The following MGST1 variants were observed in gnomAD, a reference collection of about 807,000 sequenced individuals.
MGST1 encodes glutathione S-transferase 12.
In MGST1, 5 loss-of-function variants were observed where a neutral mutation model predicts 8.9. The ratio of observed to expected loss-of-function variants is 0.56; its 90% CI spans 0.29 to 1.19. MGST1 has a LOEUF of 1.19. MGST1 is among the 50% of genes most tolerant of loss of function. MGST1 has a pLI of 0.08. For synonymous variants in MGST1, 54 were observed against 67.8 expected, an observed-to-expected ratio of 0.80 and a Z score of 1.00; for missense variants, 182 against 187.4, an observed-to-expected ratio of 0.97 and a Z score of 0.17.
Position 16,410,335 on chromosome 12 carries a change from C to A in MGST1, n.778+26731C>A, listed in dbSNP as rs1940731857. On this transcript the variant is annotated intron_variant and non_coding_transcript_variant, in intron 1 of 1. Coordinates refer to the MGST1 transcript ENST00000359720. This position sits in a 1 kb window ranked among gnomAD's most constrained non-coding sequence, Gnocchi z 4.4. ...CATTCCTGCTTATATACCTCCTAAG[C>A]ATCTCTGAAATACACTTAACTCTTC... 6.6e-6 allele frequency among the ~76,000 whole-genome samples: 1 copy of A among 152,060 alleles called. No individual in the cohort carries two copies. Among genetic ancestry groups the A allele is most frequent in the Admixed American group, 6.6e-5 (1 of 15,250 alleles).
intron 4 of MGST1, among the ~76,000 whole-genome samples, chr12:16,468,863 A>G (rs915475338): frequency 6.6e-6 from 1 of 152,178 alleles, no homozygotes; most frequent in African/African-American, 2.4e-5. Flanking sequence ...ACTAGCAGCT[A>G]GATAATCTGG....
chr12:16,513,332 A>C lies in MGST1; in HGVS notation n.483-76196A>C. The C allele has an allele frequency of 4.0e-6, 1 of 248,496 alleles. No individual in the cohort carries two copies. Among genetic ancestry groups the C allele is most frequent in the Non-Finnish European group, 8.1e-6 (1 of 124,136 alleles). The allele number at this position is 248,496 out of a possible 1,614,324, so 15.4% of individuals were successfully genotyped here. On this transcript the variant is annotated intron_variant and non_coding_transcript_variant, in intron 4 of 4. Transcript: ENST00000538857. The surrounding 1 kb of genome is among the most constrained non-coding windows in gnomAD (Gnocchi z 4.2). ...CCATTGAAAATTCCTTAAAAAGGAG[A>C]ATTTTATGCTTGCCCTCTGCTCCGT... is the stretch of plus-strand genomic sequence containing the variant.
intron 4 of MGST1, among the ~76,000 whole-genome samples, chr12:16,506,910 C>A (rs549100052): frequency 6.6e-6 from 1 of 152,214 alleles, no homozygotes; most frequent in South Asian, 2.1e-4. Flanking sequence ...AGGGTACAAA[C>A]AAGATAGTGA....
In MGST1 at chr12:16,555,943, G is replaced by T. The variant is rs935065070; in HGVS notation, n.483-33585G>T. On this transcript the variant is annotated intron_variant and non_coding_transcript_variant, in intron 4 of 4. Transcript: ENST00000538857. This position sits in a 1 kb window ranked among gnomAD's most constrained non-coding sequence, Gnocchi z 5.5. The stretch of plus-strand genomic sequence containing the variant: ...GATGCTTCCCTAACACTTCAAGAAG[G>T]ATGGCTCTCTCTTCCCTCAGTATAG... Among the ~76,000 whole-genome samples, 1 of 151,908 alleles carries T rather than the reference G, an allele frequency of 6.6e-6. No individual in the cohort carries two copies. Among genetic ancestry groups the T allele is most frequent in the African/African-American group, 2.4e-5 (1 of 41,334 alleles).
Position 16,401,005 on chromosome 12 carries a change from C to G in MGST1, n.778+17401C>G. On this transcript the variant is annotated intron_variant and non_coding_transcript_variant, in intron 1 of 1. Coordinates refer to the MGST1 transcript ENST00000359720. The surrounding 1 kb of genome is among the most constrained non-coding windows in gnomAD (Gnocchi z 4.3). ...CTAGTTCTTTTTGATGTGCTCTTCA[C>G]TTCTCTTCTGCAGTCATTTCATTCC... The G allele has an allele frequency of 6.5e-7, 1 of 1,540,708 alleles. No individual in the cohort carries two copies. Among genetic ancestry groups the G allele is most frequent in the South Asian group, 1.1e-5 (1 of 89,584 alleles).
At chr12:16,394,536 T>TA (rs1940586357) in intron 1 of MGST1, among the ~76,000 whole-genome samples, 1 of 73,752 alleles carries the variant, frequency 1.4e-5, no homozygotes, top group African/African-American at 5.1e-5. Flanking sequence ...CTTTCTTTCT[T>TA]TCTTTCTTTC....
chr12:16,359,796 C>T (rs1348807545), intron 3 of MGST1, among the ~76,000 whole-genome samples: 1 of 152,082 alleles, frequency 6.6e-6, no homozygotes, highest in East Asian at 1.9e-4. Context: ...GCAATTAGAC[C>T]CTCAGTAGTA....
At chr12:16,455,437 T>C (rs770568803) in intron 4 of MGST1, among the ~76,000 whole-genome samples, 3 of 151,794 alleles carry the variant, frequency 2.0e-5, no homozygotes, top group Non-Finnish European at 4.4e-5. Flanking sequence ...AGAAGGAATT[T>C]AGTTCACTTT....
chr12:16,352,321 T>C (rs192232309), intron 1 of MGST1, among the ~76,000 whole-genome samples: 25 of 152,280 alleles, frequency 1.6e-4, no homozygotes, highest in African/African-American at 5.5e-4. Context: ...TATAAATGTA[T>C]AGATTACTGG....
Position 16,546,669 on chromosome 12 carries a change from G to A in MGST1, n.483-42859G>A, listed in dbSNP as rs954782294. The stretch of plus-strand genomic sequence containing the variant: ...TAACACCTGCTATGTGTTACCAACA[G>A]ATGTTTCTTACTTACCTAAGGGAAC... On this transcript the variant is annotated intron_variant and non_coding_transcript_variant, in intron 4 of 4. Coordinates refer to the MGST1 transcript ENST00000538857. This position sits in a 1 kb window ranked among gnomAD's most constrained non-coding sequence, Gnocchi z 4.7. 1.3e-5 allele frequency among the ~76,000 whole-genome samples: 2 copies of A among 152,122 alleles called. No individual in the cohort carries two copies. The highest frequency in any genetic ancestry group is 2.4e-5 in the African/African-American group (1 of 41,440).
At chr12:16,353,618 T>C (rs1176288670) in intron 1 of MGST1, among the ~76,000 whole-genome samples, 1 of 152,158 alleles carries the variant, frequency 6.6e-6, no homozygotes. Flanking sequence ...ATCTCAGTGC[T>C]AGTATGTGAT....
At chr12:16,570,539 G>A (rs568470976) in intron 4 of MGST1, among the ~76,000 whole-genome samples, 89 of 152,144 alleles carry the variant, frequency 5.8e-4, no homozygotes, top group African/African-American at 2.1e-3. Context: ...AAATAATCCT[G>A]GGAATGACAT....
chr12:16,460,149 G>T (rs1478794657), intron 4 of MGST1, among the ~76,000 whole-genome samples: 3 of 152,100 alleles, frequency 2.0e-5, no homozygotes, highest in Non-Finnish European at 4.4e-5. Context: ...CTTAATAAAG[G>T]TTAGTTGTTA....
At position 16,559,855 on chromosome 12, in the gene MGST1, G is replaced by T. The variant is rs1009176786; in HGVS notation, n.483-29673G>T. 6.6e-6 allele frequency among the ~76,000 whole-genome samples: 1 copy of T among 151,738 alleles called. No individual in the cohort carries two copies. The highest frequency in any genetic ancestry group is 2.4e-5 in the African/African-American group (1 of 41,320). ...TGCACACCTGTACTCCCAGCTACTCGGGAGGCTGAGGCAGGAGGATTGCTT... is the reference window on the plus strand; with the variant it reads ...TGCACACCTGTACTCCCAGCTACTCTGGAGGCTGAGGCAGGAGGATTGCTT... On this transcript the variant is annotated intron_variant and non_coding_transcript_variant, in intron 4 of 4. Coordinates refer to the MGST1 transcript ENST00000538857. This position sits in a 1 kb window ranked among gnomAD's most constrained non-coding sequence, Gnocchi z 4.1.
intron 3 of MGST1, among the ~76,000 whole-genome samples, 195 bp downstream of exon 3, chr12:16,357,894 G>A (rs909608590): frequency 6.6e-6 from 1 of 152,190 alleles, no homozygotes. Context: ...TGGCAATACT[G>A]TACTTTTATG....
chr12:16,434,688 G>T (rs181170937), intron 1 of MGST1, among the ~76,000 whole-genome samples: 14 of 151,534 alleles, frequency 9.2e-5, no homozygotes, highest in Admixed American at 9.2e-4. Context: ...TTATTTTTCA[G>T]CAGGGAGAAG....
chr12:16,482,068 T>A lies in MGST1; in HGVS notation n.482+98464T>A, dbSNP rs1941367845. 6.6e-6 allele frequency among the ~76,000 whole-genome samples: 1 copy of A among 152,136 alleles called. No individual in the cohort carries two copies. Among genetic ancestry groups the A allele is most frequent in the East Asian group, 1.9e-4 (1 of 5,182 alleles). On this transcript the variant is annotated intron_variant and non_coding_transcript_variant, in intron 4 of 4. Transcript: ENST00000538857. This position sits in a 1 kb window ranked among gnomAD's most constrained non-coding sequence, Gnocchi z 4.2. The stretch of plus-strand genomic sequence containing the variant: ...GCTAAGGCATATAAAATAATAACAT[T>A]GAGGTGCTGAAAATATAATAGTCAA...
At chr12:16,518,161 C>A (rs1450700157) in intron 4 of MGST1, among the ~76,000 whole-genome samples, 1 of 152,166 alleles carries the variant, frequency 6.6e-6, no homozygotes, top group African/African-American at 2.4e-5. Flanking sequence ...TCTGACATGG[C>A]CTTATCCACT....
chr12:16,464,606 C>T (rs1381991969), intron 4 of MGST1, among the ~76,000 whole-genome samples: 2 of 152,214 alleles, frequency 1.3e-5, no homozygotes, highest in African/African-American at 4.8e-5. Flanking sequence ...GTAGTAGTCC[C>T]TGGATTCCTA....
Sources: allele counts gnomAD v4.1 joint callset (sites outside exome capture counted in the v4.1 genomes callset), GRCh38; gene constraint gnomAD v4.1.1; non-coding constraint Gnocchi (gnomAD v3.1); transcripts MANE v1.5; gene names NCBI Gene and HGNC (gene_info 2026-07-23, HGNC 2026-07-21).